ZBTB48: variants seen among roughly 807,000 people sequenced by gnomAD.
ZBTB48 encodes zinc finger and BTB domain containing 48.
A neutral mutation model predicts 64.5 loss-of-function variants in ZBTB48; 35 were observed. The ratio of observed to expected loss-of-function variants is 0.54; its 90% CI spans 0.41 to 0.72. The LOEUF (loss-of-function observed/expected upper bound fraction) is 0.72. ZBTB48 is among the 30% of genes least tolerant of loss of function. The pLI is 0.00. For synonymous variants in ZBTB48, 442 were observed against 356.7 expected (o/e 1.24, Z -2.70); for missense variants, 828 against 895.3 (o/e 0.92, Z 0.96).
At position 6,580,768 on chromosome 1, in the gene ZBTB48, C is replaced by A. The variant is rs534462917; in HGVS notation, c.159C>A (p.Ser53Arg). 6.2e-7 allele frequency: 1 copy of A among 1,614,220 alleles called. No homozygotes were observed. Among genetic ancestry groups the A allele is most frequent in the Non-Finnish European group, 8.5e-7 (1 of 1,180,046 alleles). ...VLACCSHFFQ[S>R]LYGDGSGGSV... ...CCTGCTGCAGTCACTTTTTCCAGAG[C>A]CTCTACGGGGATGGCTCAGGGGGCA... Residue 53 changes from serine to arginine, a missense_variant, in exon 2 of 11, where the codon AGC becomes AGA. Ser to Arg is a moderately radical substitution (Grantham distance 110). Coordinates refer to ENST00000377674, the MANE Select transcript of ZBTB48 (RefSeq NM_005341.4). This position sits in a 1 kb window ranked among gnomAD's most constrained non-coding sequence, Gnocchi z 5.2.
At chr1:6,586,256 G>A in intron 4 of ZBTB48, 1 of 571,232 alleles carries the variant, frequency 1.8e-6, no homozygotes, top group Non-Finnish European at 3.1e-6. Context: ...AGGCATTTGG[G>A]GTTGGCTTTC....
At chr1:6,581,967 G>A (rs1640485205) in intron 2 of ZBTB48, 91 bp from the exon 3 acceptor site, 1 of 1,564,748 alleles carries the variant, frequency 6.4e-7, no homozygotes, top group Non-Finnish European at 8.7e-7. Flanking sequence ...TGTCAGGGTT[G>A]GGGCTTGGGA....
At chr1:6,587,176 C>G (rs1640702959) in intron 5 of ZBTB48, 29 bp from the exon 6 acceptor site, 3 of 1,613,494 alleles carry the variant, frequency 1.9e-6, no homozygotes, top group African/African-American at 1.3e-5. Context: ...GCAGGCCGCC[C>G]TGGAGGTGAC....
In ZBTB48 at chr1:6,588,092, G is replaced by A. The variant is rs1202865718; in HGVS notation, c.1412G>A (p.Ser471Asn). The A allele has an allele frequency of 6.2e-7, 1 of 1,614,156 alleles. No individual in the cohort carries two copies. Among genetic ancestry groups the A allele is most frequent in the Non-Finnish European group, 8.5e-7 (1 of 1,180,042 alleles). ...NERPHVCEFC[S>N]HAFTQKANLN... ...AGGCCACACGTATGTGAGTTCTGCA[G>A]CCACGCCTTCACCCAAAAGGCCAAT... Residue 471 changes from serine (S) to asparagine (N), a missense_variant, in exon 8 of 11, where the codon AGC (serine) becomes AAC (asparagine). By Grantham distance (46) the Ser-to-Asn change is conservative. Transcript: ENST00000377674.
rs201308885 is a variant in ZBTB48, at chr1:6,587,473, T to C, written c.1225-5T>C. The C allele has an allele frequency of 3.8e-5, 62 of 1,613,774 alleles. No individual in the cohort carries two copies. The African/African-American group carries it at 5.9e-4, about 15-fold the overall frequency. Reference sequence around the variant, plus strand: ...CCTCCCTCTGCCTGCCTGGTCTGCCTGCAGTGCCCCACCTGTGCCAAGTGC... The same window carrying C: ...CCTCCCTCTGCCTGCCTGGTCTGCCCGCAGTGCCCCACCTGTGCCAAGTGC... On this transcript the variant is annotated splice_polypyrimidine_tract_variant and splice_region_variant and intron_variant, in intron 6 of 10. Transcript: ENST00000377674.
rs946130943 is a variant in ZBTB48, at chr1:6,589,184, C to G, written c.2039C>G (p.Ala680Gly). The G allele has an allele frequency of 6.5e-7, 1 of 1,533,296 alleles. No homozygotes were observed. 95.0% of individuals were successfully genotyped at this position (1,533,296 alleles called of 1,614,324 possible). A position where few individuals can be genotyped will look rare whatever the true frequency, so the allele number is the denominator to read the frequency against. Residue 680 changes from alanine to glycine, a missense_variant, in exon 11 of 11, where the codon GCT becomes GGT. By Grantham distance (60) the Ala-to-Gly change is moderately conservative. Transcript: ENST00000377674. ...GVLEPSLIITAAVPEDCDT is the reference protein window; with the variant it reads ...GVLEPSLIITGAVPEDCDT ...CTGGAGCCCTCCCTCATCATCACAG[C>G]TGCTGTCCCCGAGGACTGTGACACA...
rs1191332047 is a variant in ZBTB48 at position 6,589,068 on chromosome 1, C to T, written c.1923C>T (p.Val641=). The change falls in exon 11 of 11, where the codon GTC becomes GTT. Residue 641 remains valine, a synonymous_variant. Coordinates refer to ENST00000377674, the MANE Select transcript of ZBTB48 (RefSeq NM_005341.4). Reference sequence around the variant, plus strand: ...AGCTGGAGGTGGGCTCGGCGGAGGTCATTGTGGAGTCCCTGGCCCAGGGCG... The same window carrying T: ...AGCTGGAGGTGGGCTCGGCGGAGGTTATTGTGGAGTCCCTGGCCCAGGGCG... ...PAELEVGSAE[V]IVESLAQGGL... 1 of 1,607,370 alleles carries T rather than the reference C, an allele frequency of 6.2e-7. No individual in the cohort carries two copies. Among genetic ancestry groups the T allele is most frequent in the Non-Finnish European group, 8.5e-7 (1 of 1,177,496 alleles).
rs151287244 is a variant in ZBTB48 at position 6,580,873 on chromosome 1, C to G, written c.264C>G (p.Thr88=). The change falls in exon 2 of 11, where the codon ACC becomes ACG. Residue 88 remains threonine, a synonymous_variant. Transcript: ENST00000377674. This position sits in a 1 kb window ranked among gnomAD's most constrained non-coding sequence, Gnocchi z 5.2. ...DFFYTGHLAL[T]SGNRDQVLLA... ...TCTACACTGGTCACCTCGCTCTCAC[C>G]TCAGGGAACCGGGATCAGGTGCTCC... 1.2e-6 allele frequency: 2 copies of G among 1,614,156 alleles called. No homozygotes were observed.
Position 6,588,281 on chromosome 1 carries a change from G to T in ZBTB48, c.1520G>T (p.Ser507Ile), listed in dbSNP as rs773940991. ...AGCTCTTGCCTTGTGCCTGCAGCCA[G>T]CCTGGACAAGCACAACCGCACCCAC... ...LCGKTFRTQA[S>I]LDKHNRTHTG... Residue 507 changes from serine to isoleucine, a missense_variant, in exon 9 of 11, where the codon AGC becomes ATC. Coordinates refer to ENST00000377674, the MANE Select transcript of ZBTB48 (RefSeq NM_005341.4). The T allele has an allele frequency of 5.0e-6, 8 of 1,608,252 alleles. No homozygotes were observed. The highest frequency in any genetic ancestry group is 6.8e-6 in the Non-Finnish European group (8 of 1,175,598).
chr1:6,588,501 G>A (rs753551765), intron 9 of ZBTB48, 59 bp downstream of exon 9: 2 of 1,459,634 alleles, frequency 1.4e-6, no homozygotes, highest in Non-Finnish European at 1.8e-6. Flanking sequence ...GGGTCTCTGA[G>A]GAGGAAACGC....
chr1:6,588,697 G>T lies in ZBTB48; in HGVS notation c.1682-59G>T, dbSNP rs1640768180. 3.1e-6 allele frequency: 5 copies of T among 1,610,622 alleles called. No homozygotes were observed. In the East Asian group the frequency reaches 1.1e-4, roughly 36 times the overall value. On this transcript the variant is annotated intron_variant, in intron 9 of 10. Transcript: ENST00000377674. ...GCTGCCTGTCCCAACCTCCTGCTGGGTTTCCTCGAGGGTCCCGGGGCTCCT... is the reference window on the plus strand; with the variant it reads ...GCTGCCTGTCCCAACCTCCTGCTGGTTTTCCTCGAGGGTCCCGGGGCTCCT...
chr1:6,588,658 T>C (rs1640766977), intron 9 of ZBTB48, 98 bp from the exon 10 acceptor site: 16 of 1,547,750 alleles, frequency 1.0e-5, no homozygotes, highest in African/African-American at 2.7e-5. Flanking sequence ...TGTAAACCAC[T>C]GGTCCCCTCC....
Position 6,581,276 on chromosome 1 carries a change from C to G in ZBTB48, c.667C>G (p.Gln223Glu). The G allele has an allele frequency of 6.2e-7, 1 of 1,606,054 alleles. No homozygotes were observed. The highest frequency in any genetic ancestry group is 1.3e-5 in the African/African-American group (1 of 74,740). ...AAGGCCCTTAGAGGCTGAAGGTGCC[C>G]AGCTGCAGGGCGGCAGTAATGAGGT... ...PPRPLEAEGA[Q>E]LQGGSNEWEV... Residue 223 changes from glutamine to glutamate, a missense_variant, in exon 2 of 11, where the codon CAG (glutamine) becomes GAG (glutamate). Coordinates refer to ENST00000377674, the MANE Select transcript of ZBTB48 (RefSeq NM_005341.4).
chr1:6,584,647 G>T lies in ZBTB48; in HGVS notation c.933-1272G>T, dbSNP rs748405954. On this transcript the variant is annotated intron_variant, in intron 3 of 10. Coordinates refer to ENST00000377674, the MANE Select transcript of ZBTB48 (RefSeq NM_005341.4). The surrounding 1 kb of genome is among the most constrained non-coding windows in gnomAD (Gnocchi z 4.5). The stretch of plus-strand genomic sequence containing the variant: ...GTCCTGGGGCAGCCTGTGTACTGCT[G>T]GATGCTTGCTTTCAAGTACTCTGCT... Among the ~76,000 whole-genome samples the T allele has an allele frequency of 3.3e-5, 5 of 152,234 alleles. No homozygotes were observed. The highest frequency in any genetic ancestry group is 5.9e-5 in the Non-Finnish European group (4 of 68,038).
At position 6,584,859 on chromosome 1, in the gene ZBTB48, C is replaced by T. The variant is rs1156253692; in HGVS notation, c.933-1060C>T. Among the ~76,000 whole-genome samples the T allele has an allele frequency of 3.9e-5, 6 of 152,190 alleles. No homozygotes were observed. The highest frequency in any genetic ancestry group is 7.3e-5 in the Non-Finnish European group (5 of 68,028). ...GTGGGAGGAGCTGTCGCAGGCTGCA[C>T]AGGGGCTCTGAGGTCGAGTTCGTTT... On this transcript the variant is annotated intron_variant, in intron 3 of 10. Coordinates refer to ENST00000377674, the MANE Select transcript of ZBTB48 (RefSeq NM_005341.4). This position sits in a 1 kb window ranked among gnomAD's most constrained non-coding sequence, Gnocchi z 4.5.
In ZBTB48 at chr1:6,585,893, C is replaced by G. The variant is rs375093844; in HGVS notation, c.933-26C>G. ...AGAGATGGGAAACCCTCTCAGCCCC[C>G]CCACCCCTGTGGCTTCTCCTGGCAG... On this transcript the variant is annotated intron_variant, in intron 3 of 10. Coordinates refer to ENST00000377674, the MANE Select transcript of ZBTB48 (RefSeq NM_005341.4). 10 of 1,611,214 alleles carry G rather than the reference C, an allele frequency of 6.2e-6. No individual in the cohort carries two copies. In the East Asian group the frequency reaches 1.8e-4, roughly 29 times the overall value.
chr1:6,582,832 AT>A (rs1191925415), intron 3 of ZBTB48, among the ~76,000 whole-genome samples: 1 of 152,152 alleles, frequency 6.6e-6, no homozygotes, highest in Non-Finnish European at 1.5e-5. Flanking sequence ...AGCTATTACA[AT>A]TTTTATTTTT....
In ZBTB48 at chr1:6,587,276, C is replaced by A; in HGVS notation, c.1209C>A (p.Ala403=). ...LQSHMIKLHG[A]PKPHACPTCA... is the part of the protein sequence containing the mutation. ...GCCACATGATCAAACTTCATGGAGC[C>A]CCCAAGCCCCATGCAGTAAGTGACA... The change falls in exon 6 of 11, where the codon GCC becomes GCA. Residue 403 remains alanine, a synonymous_variant. Transcript: ENST00000377674. 6.2e-7 allele frequency: 1 copy of A among 1,614,054 alleles called. No homozygotes were observed.
At position 6,589,140 on chromosome 1, in the gene ZBTB48, C is replaced by A; in HGVS notation, c.1995C>A (p.Ser665Arg). 6.3e-7 allele frequency: 1 copy of A among 1,588,550 alleles called. No individual in the cohort carries two copies. Among genetic ancestry groups the A allele is most frequent in the South Asian group, 1.1e-5 (1 of 87,414 alleles). ...LPGQRLCAEESFTGPGVLEPS... is the reference protein window; with the variant it reads ...LPGQRLCAEERFTGPGVLEPS... ...GCCAGAGACTGTGTGCAGAGGAGAG[C>A]TTCACCGGCCCAGGTGTCCTGGAGC... The change falls in exon 11 of 11, where the codon AGC becomes AGA. Residue 665 changes from serine to arginine, a missense_variant. Ser to Arg is a moderately radical substitution (Grantham distance 110). Transcript: ENST00000377674.
Sources: allele counts gnomAD v4.1 joint callset (sites outside exome capture counted in the v4.1 genomes callset), GRCh38; gene constraint gnomAD v4.1.1; non-coding constraint Gnocchi (gnomAD v3.1); transcripts MANE v1.5; gene names NCBI Gene and HGNC (gene_info 2026-07-23, HGNC 2026-07-21).